Variants in ROR2 observed in about 807,000 individuals in gnomAD.
The protein encoded by ROR2 is ROR family WNT receptor 2, also known as tyrosine-protein kinase transmembrane receptor ROR2.
In ROR2, 33 loss-of-function variants were observed where a neutral mutation model predicts 74.9. That is an observed-to-expected ratio of 0.44 (90% CI 0.33 to 0.59). The LOEUF (loss-of-function observed/expected upper bound fraction) is 0.59, where lower values mean the gene tolerates loss of function less well. Among genes scored for constraint, ROR2 ranks in the 20% least tolerant of loss-of-function variants. ROR2 has a pLI of 0.02. For synonymous variants in ROR2, 586 were observed against 558.7 expected (o/e 1.05, Z -0.69); for missense variants, 1,216 against 1,313.8 (o/e 0.93, Z 1.15).
intron 2 of ROR2, among the ~76,000 whole-genome samples, chr9:91,774,976 A>G (rs1826370078): frequency 1.3e-5 from 2 of 152,366 alleles, no homozygotes; most frequent in Admixed American, 6.5e-5. Context: ...TTATGAGAAG[A>G]GAATCAAACA....
chr9:91,914,358 T>C (rs1402821703), intron 1 of ROR2, among the ~76,000 whole-genome samples: 2 of 152,206 alleles, frequency 1.3e-5, no homozygotes, highest in African/African-American at 4.8e-5. Context: ...TCCCAAGAGA[T>C]ACCCTGTACT....
chr9:91,757,634 A>G lies in ROR2; in HGVS notation c.176-75T>C. 8.5e-6 allele frequency: 13 copies of G among 1,538,024 alleles called. No homozygotes were observed. The South Asian group carries it at 1.4e-4, about 17-fold the overall frequency. ...GGAAGGGCTACCTGGGGGCTCTGCTATGAACTCTTCCAAGGGAAGGTTTCG... is the reference window on the plus strand; with the variant it reads ...GGAAGGGCTACCTGGGGGCTCTGCTGTGAACTCTTCCAAGGGAAGGTTTCG... On this transcript the variant is annotated intron_variant, in intron 2 of 8. Transcript: ENST00000375708.
At chr9:91,746,286 C>T (rs1253691477) in intron 4 of ROR2, among the ~76,000 whole-genome samples, 2 of 151,952 alleles carry the variant, frequency 1.3e-5, no homozygotes, top group East Asian at 1.9e-4. Context: ...CAAGTTGGCC[C>T]GGCTGGTTTC....
intron 1 of ROR2, among the ~76,000 whole-genome samples, chr9:91,819,634 G>A (rs1321305970): frequency 2.6e-5 from 2 of 75,580 alleles, no homozygotes; most frequent in Admixed American, 2.7e-4. Context: ...AGTGTGTGTT[G>A]GTGTGTTTCT....
intron 1 of ROR2, among the ~76,000 whole-genome samples, chr9:91,922,311 A>T (rs1233765640): frequency 6.6e-6 from 1 of 152,160 alleles, no homozygotes; most frequent in Non-Finnish European, 1.5e-5. Flanking sequence ...TACCCAAAAG[A>T]AATTGAAGAC....
intron 1 of ROR2, among the ~76,000 whole-genome samples, chr9:91,867,927 C>T (rs1018363767): frequency 8.5e-5 from 13 of 152,164 alleles, no homozygotes; most frequent in Admixed American, 2.6e-4. Context: ...TTCCCCACAA[C>T]GGCTGAACAA....
intron 1 of ROR2, among the ~76,000 whole-genome samples, chr9:91,912,247 A>G (rs1052530900): frequency 6.6e-6 from 1 of 152,224 alleles, no homozygotes; most frequent in African/African-American, 2.4e-5. Context: ...TAAGAGATTA[A>G]CATTAAGGGA....
chr9:91,798,661 G>GACACTC (rs1378933556), intron 1 of ROR2, among the ~76,000 whole-genome samples: 7 of 142,600 alleles, frequency 4.9e-5, no homozygotes, highest in East Asian at 4.7e-4. Context: ...CCTGGGCTCT[G>GACACTC]TGGGTGGGGC....
intron 1 of ROR2, among the ~76,000 whole-genome samples, chr9:91,814,349 T>A (rs1285209136): frequency 6.6e-6 from 1 of 152,188 alleles, no homozygotes; most frequent in East Asian, 1.9e-4. Flanking sequence ...AAACCACTCC[T>A]GTCCGTTCGT....
At chr9:91,882,853 C>T (rs1465212713) in intron 1 of ROR2, among the ~76,000 whole-genome samples, 1 of 152,138 alleles carries the variant, frequency 6.6e-6, no homozygotes, top group East Asian at 1.9e-4. Context: ...GAAGTCACCC[C>T]TGCTGACACC....
In ROR2 at chr9:91,723,614, G is replaced by C. The variant is rs774123408; in HGVS notation, c.*48C>G. The C allele has an allele frequency of 5.0e-6, 8 of 1,605,346 alleles. No individual in the cohort carries two copies. The highest frequency in any genetic ancestry group is 4.4e-5 in the South Asian group (4 of 90,222). On this transcript the variant is annotated 3_prime_UTR_variant, in exon 9 of 9. Coordinates refer to ENST00000375708, the MANE Select transcript of ROR2 (RefSeq NM_004560.4). ...TCTCAAAGGTGACTGAGGTCCCTGT[G>C]GGGTCTCGGCGGGGCTTCTATCCCC...
Position 91,929,223 on chromosome 9 carries a change from T to C in ROR2, c.97+20644A>G, listed in dbSNP as rs115343947. The stretch of plus-strand genomic sequence containing the variant: ...ATGTTAGAAAATACAAAGCAGGTTT[T>C]TGTAAAACAGGCTGCACCAGTTTCC... On this transcript the variant is annotated intron_variant, in intron 1 of 8. Coordinates refer to ENST00000375708, the MANE Select transcript of ROR2 (RefSeq NM_004560.4). Among the ~76,000 whole-genome samples, 765 of 152,370 alleles carry C rather than the reference T, an allele frequency of 5.0e-3. 8 individuals are homozygous for C. Among genetic ancestry groups the C allele is most frequent in the African/African-American group, 0.018 (731 of 41,580 alleles).
In ROR2 at chr9:91,929,391, C is replaced by T. The variant is rs573616229; in HGVS notation, c.97+20476G>A. Among the ~76,000 whole-genome samples, 15 of 152,266 alleles carry T rather than the reference C, an allele frequency of 9.9e-5. No individual in the cohort carries two copies. The South Asian group carries it at 1.0e-3, about 11-fold the overall frequency. ...CAAAGGCATGGCATCTTCGAGATGA[C>T]GCCAGTGGTCAGCATGGACGCCCTT... On this transcript the variant is annotated intron_variant, in intron 1 of 8. Transcript: ENST00000375708.
intron 1 of ROR2, among the ~76,000 whole-genome samples, chr9:91,918,091 G>A (rs1214007369): frequency 6.6e-6 from 1 of 152,040 alleles, no homozygotes; most frequent in Admixed American, 6.6e-5. Context: ...CTAACAAGGT[G>A]AAACCCCGTC....
At chr9:91,866,764 A>G (rs1205627013) in intron 1 of ROR2, among the ~76,000 whole-genome samples, 3 of 152,180 alleles carry the variant, frequency 2.0e-5, no homozygotes, top group Non-Finnish European at 4.4e-5. Context: ...CAAGAGCTTA[A>G]TATTGCCACA....
chr9:91,828,895 T>A (rs1031013428), intron 1 of ROR2, among the ~76,000 whole-genome samples: 3 of 152,230 alleles, frequency 2.0e-5, no homozygotes, highest in African/African-American at 7.2e-5. Flanking sequence ...GATTATTACA[T>A]CATTAATGTT....
intron 1 of ROR2, among the ~76,000 whole-genome samples, chr9:91,922,002 T>C (rs1831279148): frequency 6.8e-6 from 1 of 148,024 alleles, no homozygotes; most frequent in South Asian, 2.1e-4. Flanking sequence ...AAAGATGTCA[T>C]CATTAGTCAC....
intron 1 of ROR2, among the ~76,000 whole-genome samples, chr9:91,891,220 A>G (rs971153437): frequency 1.3e-5 from 2 of 151,988 alleles, no homozygotes; most frequent in African/African-American, 4.8e-5. Context: ...TTACACAGCT[A>G]AAAATCAAGT....
chr9:91,867,972 A>G (rs757185668), intron 1 of ROR2, among the ~76,000 whole-genome samples: 2 of 152,150 alleles, frequency 1.3e-5, no homozygotes, highest in Admixed American at 6.5e-5. Flanking sequence ...CTAATATTCA[A>G]AATCTCCATG....
Sources: allele counts gnomAD v4.1 joint callset (sites outside exome capture counted in the v4.1 genomes callset), GRCh38; gene constraint gnomAD v4.1.1; transcripts MANE v1.5; gene names NCBI Gene and HGNC (gene_info 2026-07-23, HGNC 2026-07-21).